Variants in SRGAP3 observed in about 807,000 individuals in gnomAD.
SRGAP3 encodes the protein SLIT-ROBO Rho GTPase activating protein 3, also known as SLIT-ROBO Rho GTPase-activating protein 3.
Under a neutral mutation model 121.1 loss-of-function variants are expected in SRGAP3, and 39 were observed. The observed-to-expected ratio is 0.32, with a 90% confidence interval of 0.25 to 0.42. The LOEUF (loss-of-function observed/expected upper bound fraction) is 0.42. Ranked by LOEUF, SRGAP3 falls within the 10% of genes least tolerant of loss-of-function variation. The pLI is 1.00. For missense variants in SRGAP3, 1,213 were observed against 1,470.6 expected (o/e 0.82, Z 2.86); for synonymous variants, 601 against 570.0 (o/e 1.05, Z -0.77).
intron 1 of SRGAP3, among the ~76,000 whole-genome samples, chr3:9,159,589 T>C (rs1274885832): frequency 3.9e-5 from 6 of 152,206 alleles, no homozygotes; most frequent in African/African-American, 1.4e-4. Flanking sequence ...TTTTAAACAA[T>C]TTTGTGTTTA....
chr3:9,220,648 A>G (rs950918606), intron 1 of SRGAP3, among the ~76,000 whole-genome samples: 9 of 152,178 alleles, frequency 5.9e-5, no homozygotes, highest in African/African-American at 2.2e-4. Flanking sequence ...GATCCTTGAC[A>G]TTGGGCTTAG....
intron 1 of SRGAP3, among the ~76,000 whole-genome samples, chr3:9,213,389 G>T (rs76679259): frequency 6.6e-6 from 1 of 151,332 alleles, no homozygotes; most frequent in African/African-American, 2.4e-5. Context: ...ACACTCCTCA[G>T]AGCAAGAAAC....
At chr3:9,051,033 T>A (rs1284784204) in intron 9 of SRGAP3, among the ~76,000 whole-genome samples, 9 of 138,424 alleles carry the variant, frequency 6.5e-5, no homozygotes, top group African/African-American at 2.2e-4. Flanking sequence ...TTTTTTTTTT[T>A]TTTTTTTTTT....
intron 4 of SRGAP3, among the ~76,000 whole-genome samples, chr3:9,067,150 CCAT>C (rs1560060699): frequency 6.6e-6 from 1 of 152,040 alleles, no homozygotes; most frequent in Non-Finnish European, 1.5e-5. Flanking sequence ...ACCACCACCA[CCAT>C]CATCATCATT....
Position 8,985,436 on chromosome 3 carries a change from TG to T in SRGAP3, c.*82del. ...CTCTGCCCTCCAAGGCCAGGGTCAC[TG>T]GGAAGCACGTGGAAGCCACCAAGGC... On this transcript the variant is annotated 3_prime_UTR_variant, in exon 22 of 22. Coordinates refer to ENST00000383836, the MANE Select transcript of SRGAP3 (RefSeq NM_014850.4). The surrounding 1 kb of genome is among the most constrained non-coding windows in gnomAD (Gnocchi z 5.1). The T allele has an allele frequency of 6.3e-7, 1 of 1,579,736 alleles. No homozygotes were observed. The highest frequency in any genetic ancestry group is 2.1e-4 in the Middle Eastern group (1 of 4,838).
At chr3:9,158,667 G>A (rs991642400) in intron 1 of SRGAP3, among the ~76,000 whole-genome samples, 2 of 152,184 alleles carry the variant, frequency 1.3e-5, no homozygotes, top group Admixed American at 1.3e-4. Flanking sequence ...AATTTAAGAA[G>A]CTATTCTCTC....
At chr3:9,260,699 G>A (rs146276028) in intron 3 of SRGAP3, among the ~76,000 whole-genome samples, 1,622 of 152,308 alleles carry the variant, frequency 0.011, 15 homozygotes, top group Non-Finnish European at 0.018. Context: ...AGAACCTGGG[G>A]GAAGGGGCAA....
chr3:9,094,928 T>A (rs1270266734), intron 3 of SRGAP3, among the ~76,000 whole-genome samples: 2 of 151,814 alleles, frequency 1.3e-5, no homozygotes. Context: ...GCTAATTTTT[T>A]TAACATTATT....
chr3:9,010,223 G>C lies in SRGAP3; in HGVS notation c.2227+85C>G. ...CTTGGAAAGCTGAAGAGGTCTATGT[G>C]GGCCAGCCCTGTGGTTGGGCTGACA... On this transcript the variant is annotated intron_variant, in intron 18 of 21. Coordinates refer to ENST00000383836, the MANE Select transcript of SRGAP3 (RefSeq NM_014850.4). 4 of 1,473,194 alleles carry C rather than the reference G, an allele frequency of 2.7e-6. No homozygotes were observed. In the Admixed American group the frequency reaches 5.2e-5, roughly 19 times the overall value. 91.3% of individuals were successfully genotyped at this position (1,473,194 alleles called of 1,614,324 possible). A position where few individuals can be genotyped will look rare whatever the true frequency, so the allele number is the denominator to read the frequency against.
rs574328329 is a variant in SRGAP3 at position 9,260,738 on chromosome 3, C to T, written n.442+65272G>A. 3.9e-5 allele frequency among the ~76,000 whole-genome samples: 6 copies of T among 152,302 alleles called. 1 individual carries two copies. The highest frequency in any genetic ancestry group is 9.6e-5 in the African/African-American group (4 of 41,562). Reference sequence around the variant, plus strand: ...TGGGCGCAGCTTCAACAGACTTAAACGTTCCTGCCTGCCAGCTCTGAAGTG... The same window carrying T: ...TGGGCGCAGCTTCAACAGACTTAAATGTTCCTGCCTGCCAGCTCTGAAGTG... On this transcript the variant is annotated intron_variant and non_coding_transcript_variant, in intron 3 of 3. Coordinates refer to the SRGAP3 transcript ENST00000490889.
intron 2 of SRGAP3, among the ~76,000 whole-genome samples, chr3:9,121,343 G>T (rs1476214222): frequency 6.6e-6 from 1 of 152,214 alleles, no homozygotes; most frequent in Non-Finnish European, 1.5e-5. Flanking sequence ...GTGAGACAAG[G>T]CTTCTCGGAA....
At chr3:9,202,138 G>C (rs973740713) in intron 1 of SRGAP3, among the ~76,000 whole-genome samples, 1 of 152,182 alleles carries the variant, frequency 6.6e-6, no homozygotes, top group African/African-American at 2.4e-5. Context: ...TGCATGGATG[G>C]GGTTTGCTGC....
chr3:9,341,508 G>C (rs1452634775), intron 1 of SRGAP3, among the ~76,000 whole-genome samples: 3 of 152,216 alleles, frequency 2.0e-5, no homozygotes, highest in African/African-American at 4.8e-5. Context: ...GAATACTGGA[G>C]ATCAGTATTC....
intron 1 of SRGAP3, among the ~76,000 whole-genome samples, chr3:9,225,637 C>T (rs1023246693): frequency 6.6e-6 from 1 of 152,150 alleles, no homozygotes; most frequent in Non-Finnish European, 1.5e-5. Flanking sequence ...CCCAGCTGCC[C>T]GCCCTTCTGC....
Position 9,038,073 on chromosome 3 carries a change from C to A in SRGAP3, c.1426G>T (p.Gly476Cys), listed in dbSNP as rs758364083. Residue 476 changes from glycine (G) to cysteine (C), a missense_variant, in exon 11 of 22, where the codon GGC becomes TGC. Transcript: ENST00000383836. Reference sequence around the variant, plus strand: ...CTCTCCCACTCTCACCTGGTGGTGCCGCATTCTGCTCTTTCCCCTGCAAAG... The same window carrying A: ...CTCTCCCACTCTCACCTGGTGGTGCAGCATTCTGCTCTTTCCCCTGCAAAG... ...TLGEGERAEC[G>C]TTRPPCLPPK... is the part of the protein sequence containing the mutation. The A allele has an allele frequency of 3.1e-6, 5 of 1,614,042 alleles. No individual in the cohort carries two copies. The highest frequency in any genetic ancestry group is 3.4e-6 in the Non-Finnish European group (4 of 1,180,026).
At position 9,133,063 on chromosome 3, in the gene SRGAP3, TAA is replaced by T. The variant is rs530225814; in HGVS notation, c.68-8148_68-8147del. ...ATGATATATTATATAGATCTATATA[TAA>T]GAGAGAATATCTATATATAGAATTT... is the stretch of plus-strand genomic sequence containing the variant. On this transcript the variant is annotated intron_variant, in intron 1 of 21. Coordinates refer to ENST00000383836, the MANE Select transcript of SRGAP3 (RefSeq NM_014850.4). Among the ~76,000 whole-genome samples the T allele has an allele frequency of 2.9e-4, 43 of 149,310 alleles. No individual in the cohort carries two copies. In the South Asian group the frequency reaches 2.9e-3, roughly 10 times the overall value.
At chr3:8,989,125 C>CT (rs1351581065) in intron 21 of SRGAP3, among the ~76,000 whole-genome samples, 1 of 152,244 alleles carries the variant, frequency 6.6e-6, no homozygotes, top group Non-Finnish European at 1.5e-5. Context: ...GACTAATCTG[C>CT]TGTGAGAGCT....
intron 1 of SRGAP3, among the ~76,000 whole-genome samples, chr3:9,203,207 G>A (rs2125161774): frequency 6.6e-6 from 1 of 152,180 alleles, no homozygotes; most frequent in Non-Finnish European, 1.5e-5. Context: ...CACCAGCTAT[G>A]TCCCTGCAGC....
At chr3:9,125,288 T>C (rs1949181467) in intron 1 of SRGAP3, among the ~76,000 whole-genome samples, 1 of 152,180 alleles carries the variant, frequency 6.6e-6, no homozygotes, top group African/African-American at 2.4e-5. Flanking sequence ...ATCAATACAG[T>C]AAAGTGAAAC....
Sources: allele counts gnomAD v4.1 joint callset (sites outside exome capture counted in the v4.1 genomes callset), GRCh38; gene constraint gnomAD v4.1.1; non-coding constraint Gnocchi (gnomAD v3.1); transcripts MANE v1.5; gene names NCBI Gene and HGNC (gene_info 2026-07-23, HGNC 2026-07-21).